The following MDGA2 variants were observed in gnomAD, a reference collection of about 807,000 sequenced individuals.
MDGA2 encodes the protein MAM domain-containing glycosylphosphatidylinositol anchor protein 2.
A neutral mutation model predicts 117.8 loss-of-function variants in MDGA2; 40 were observed. The ratio of observed to expected loss-of-function variants is 0.34; its 90% CI spans 0.26 to 0.44. The LOEUF (loss-of-function observed/expected upper bound fraction) is 0.44, where lower values mean the gene tolerates loss of function less well. Ranked by LOEUF, MDGA2 falls within the 20% of genes least tolerant of loss-of-function variation. The pLI is 1.00. For synonymous variants in MDGA2, 452 were observed against 439.0 expected, an observed-to-expected ratio of 1.03 and a Z score of -0.37; for missense variants, 1,123 against 1,250.6, an observed-to-expected ratio of 0.90 and a Z score of 1.54.
chr14:47,022,035 C>T (rs1467855531), intron 8 of MDGA2, among the ~76,000 whole-genome samples: 1 of 152,112 alleles, frequency 6.6e-6, no homozygotes, highest in African/African-American at 2.4e-5. Context: ...ACTGACAACA[C>T]TGTAACTGAA....
At chr14:47,176,994 C>T (rs1354702302) in intron 3 of MDGA2, among the ~76,000 whole-genome samples, 2 of 151,084 alleles carry the variant, frequency 1.3e-5, no homozygotes, top group African/African-American at 2.4e-5. Context: ...GGGCGAAGGA[C>T]ATGAACAGAC....
intron 7 of MDGA2, among the ~76,000 whole-genome samples, chr14:47,041,268 T>TA (rs1453605654): frequency 6.6e-6 from 1 of 151,980 alleles, no homozygotes; most frequent in Non-Finnish European, 1.5e-5. Context: ...AATTATTTTT[T>TA]AAAAAAACAG....
chr14:46,955,199 T>C (rs1009484780), intron 9 of MDGA2, among the ~76,000 whole-genome samples: 1 of 152,002 alleles, frequency 6.6e-6, no homozygotes, highest in Non-Finnish European at 1.5e-5. Flanking sequence ...TATGTCTACA[T>C]ATTAATATAT....
Position 46,962,137 on chromosome 14 carries a change from G to A in MDGA2, c.1820-4494C>T, listed in dbSNP as rs142719382. On this transcript the variant is annotated intron_variant, in intron 8 of 16. Transcript: ENST00000399232. ...TTCTCCAGAGAAAATTTGTGTCCAC[G>A]GGCAACTATAGACATCACTGTCTAG... Among the ~76,000 whole-genome samples the A allele has an allele frequency of 2.8e-3, 425 of 152,162 alleles. 3 individuals are homozygous for A. The highest frequency in any genetic ancestry group is 1.0e-2 in the African/African-American group (415 of 41,518).
intron 1 of MDGA2, among the ~76,000 whole-genome samples, chr14:47,436,261 T>C (rs917173883): frequency 6.6e-6 from 1 of 152,134 alleles, no homozygotes; most frequent in Non-Finnish European, 1.5e-5. Context: ...GGCTAAAGTT[T>C]ATATAATAGT....
chr14:47,068,347 T>C (rs1017365309), intron 6 of MDGA2, among the ~76,000 whole-genome samples: 7 of 151,054 alleles, frequency 4.6e-5, no homozygotes, highest in Non-Finnish European at 7.4e-5. Context: ...ACTAAAATAA[T>C]AACATAATTA....
At position 47,295,311 on chromosome 14, in the gene MDGA2, A is replaced by T. The variant is rs10132016; in HGVS notation, c.420+6100T>A. On this transcript the variant is annotated intron_variant, in intron 2 of 16. Coordinates refer to ENST00000399232, the MANE Select transcript of MDGA2 (RefSeq NM_001113498.3). ...ATGTTTATTATTAAAAGAAATTCAA[A>T]GACCCACACATTATACTGGTTACAA... Among the ~76,000 whole-genome samples, 1,237 of 152,326 alleles carry T rather than the reference A, an allele frequency of 8.1e-3. 16 individuals are homozygous for T. Among genetic ancestry groups the T allele is most frequent in the African/African-American group, 0.028 (1,163 of 41,568 alleles).
At chr14:47,102,289 CTTT>C (rs75639388) in intron 5 of MDGA2, among the ~76,000 whole-genome samples, 5 of 146,544 alleles carry the variant, frequency 3.4e-5, no homozygotes, top group African/African-American at 7.5e-5. Flanking sequence ...AAGCTCAAGA[CTTT>C]TTTTTTTTTG....
intron 4 of MDGA2, among the ~76,000 whole-genome samples, chr14:47,132,990 C>T (rs1286311498): frequency 2.6e-5 from 4 of 151,480 alleles, no homozygotes; most frequent in African/African-American, 9.7e-5. Context: ...CACAGTTTTG[C>T]AAATCTGTCA....
intron 3 of MDGA2, among the ~76,000 whole-genome samples, chr14:47,163,247 A>G (rs1322110059): frequency 6.6e-6 from 1 of 152,164 alleles, no homozygotes; most frequent in Non-Finnish European, 1.5e-5. Flanking sequence ...CTTTGTTGCT[A>G]TAGTCTTTCA....
At chr14:47,475,094 G>T (rs1223238566) in intron 1 of MDGA2, among the ~76,000 whole-genome samples, 2 of 152,006 alleles carry the variant, frequency 1.3e-5, no homozygotes, top group Non-Finnish European at 2.9e-5. Flanking sequence ...TCTGACAAAG[G>T]TTTAATATCC....
chr14:46,876,484 A>C (rs1428415072), intron 12 of MDGA2, among the ~76,000 whole-genome samples: 1 of 151,658 alleles, frequency 6.6e-6, no homozygotes, highest in African/African-American at 2.4e-5. Flanking sequence ...ATAAGTAATA[A>C]AGTCCAGGAT....
At chr14:47,437,866 T>C (rs981633187) in intron 1 of MDGA2, among the ~76,000 whole-genome samples, 1 of 152,140 alleles carries the variant, frequency 6.6e-6, no homozygotes, top group Admixed American at 6.5e-5. Flanking sequence ...CTAGCACTAG[T>C]TTATTCTGAG....
intron 1 of MDGA2, among the ~76,000 whole-genome samples, chr14:47,586,661 C>A (rs1032385130): frequency 3.3e-5 from 5 of 151,832 alleles, no homozygotes; most frequent in African/African-American, 1.2e-4. Flanking sequence ...TGGTTGAGGG[C>A]AGCTCTAGGG....
chr14:47,399,789 A>G (rs1371269318), intron 1 of MDGA2, among the ~76,000 whole-genome samples: 1 of 152,186 alleles, frequency 6.6e-6, no homozygotes, highest in Non-Finnish European at 1.5e-5. Flanking sequence ...ATAACAATGC[A>G]TGGTAATTAT....
intron 1 of MDGA2, among the ~76,000 whole-genome samples, chr14:47,350,268 G>C (rs1890849943): frequency 6.6e-6 from 1 of 152,154 alleles, no homozygotes; most frequent in African/African-American, 2.4e-5. Flanking sequence ...TCCTGGCCCA[G>C]TGGAAAAGTA....
At chr14:47,399,331 T>C (rs1263291852) in intron 1 of MDGA2, among the ~76,000 whole-genome samples, 2 of 151,970 alleles carry the variant, frequency 1.3e-5, no homozygotes, top group East Asian at 3.9e-4. Flanking sequence ...GATGAGAAGA[T>C]AAAGGACCCA....
At chr14:46,843,704 A>G (rs575938147) in intron 16 of MDGA2, among the ~76,000 whole-genome samples, 4 of 152,188 alleles carry the variant, frequency 2.6e-5, no homozygotes, top group Non-Finnish European at 5.9e-5. Context: ...AATTCAGTTC[A>G]TATGAGTAAT....
intron 5 of MDGA2, among the ~76,000 whole-genome samples, chr14:47,107,279 T>C (rs1880756545): frequency 6.6e-6 from 1 of 152,062 alleles, no homozygotes; most frequent in Non-Finnish European, 1.5e-5. Flanking sequence ...TCCCCCATTT[T>C]ACCTGTCCTA....
Sources: gnomAD v4.1 joint callset for allele counts (sites outside exome capture counted in the v4.1 genomes callset) on GRCh38, gnomAD v4.1.1 for gene constraint, MANE v1.5 for transcripts, NCBI Gene and HGNC (gene_info 2026-07-23, HGNC 2026-07-21) for gene names.